Variants in DTNA observed in about 807,000 individuals in gnomAD.
The protein encoded by DTNA is dystrobrevin alpha.
Under a neutral mutation model 100.7 loss-of-function variants are expected in DTNA, and 43 were observed. The observed-to-expected ratio is 0.43, with a 90% confidence interval of 0.33 to 0.55. The LOEUF is 0.55. Among genes scored for constraint, DTNA ranks in the 20% least tolerant of loss-of-function variants. The pLI is 0.04. For missense variants in DTNA, 798 were observed against 953.9 expected (o/e 0.84, Z 2.15); for synonymous variants, 349 against 347.9 (o/e 1.00, Z -0.04).
chr18:34,810,475 T>TAA (rs1197608635), intron 5 of DTNA, among the ~76,000 whole-genome samples: 3 of 132,064 alleles, frequency 2.3e-5, no homozygotes, highest in Non-Finnish European at 3.2e-5. Flanking sequence ...ATGTGGGAGC[T>TAA]AAAAAAAAAA....
At chr18:34,718,699 G>C (rs900437415) in intron 1 of DTNA, among the ~76,000 whole-genome samples, 8 of 152,218 alleles carry the variant, frequency 5.3e-5, no homozygotes, top group Admixed American at 3.9e-4. Flanking sequence ...TGGTCATAAA[G>C]AAATGAAAGG....
At position 34,838,243 on chromosome 18, in the gene DTNA, A is replaced by G. The variant is rs1442614238; in HGVS notation, c.1253+72A>G. ...AAAATGGAGATTTCTTTTGTCAAAA[A>G]TGCTTTGTGTGTGAAAGACTGTCTT... On this transcript the variant is annotated intron_variant, in intron 12 of 22. Transcript: ENST00000444659. 5 of 1,537,286 alleles carry G rather than the reference A, an allele frequency of 3.3e-6. No individual in the cohort carries two copies. In the African/African-American group the frequency reaches 4.1e-5, roughly 13 times the overall value.
chr18:34,827,139 G>A (rs1458638637), intron 9 of DTNA, among the ~76,000 whole-genome samples: 3 of 152,168 alleles, frequency 2.0e-5, no homozygotes, highest in East Asian at 3.8e-4. Context: ...TTTCAGACCA[G>A]GCATGTTGGA....
rs961669350 is a variant in DTNA at position 34,866,708 on chromosome 18, A to G, written c.1743+2646A>G. The G allele has an allele frequency of 6.0e-6, 6 of 997,156 alleles. No individual in the cohort carries two copies. The African/African-American group carries it at 8.7e-5, about 14-fold the overall frequency. 61.8% of individuals were successfully genotyped at this position (997,156 alleles called of 1,614,324 possible). A position where few individuals can be genotyped will look rare whatever the true frequency, so the allele number is the denominator to read the frequency against. ...CAAAATGTGCTCAATTTTGTGAGAG[A>G]AAGACTGTACTCCATAACTGACTAT... On this transcript the variant is annotated intron_variant, in intron 17 of 22. Coordinates refer to ENST00000444659, the MANE Select transcript of DTNA (RefSeq NM_001386795.1).
intron 15 of DTNA, among the ~76,000 whole-genome samples, chr18:34,857,291 G>A (rs113463829): frequency 6.6e-6 from 1 of 152,212 alleles, no homozygotes; most frequent in African/African-American, 2.4e-5. Context: ...GGGGCTTTGC[G>A]AAGCAGGCAG....
At chr18:34,522,370 C>T (rs1353721511) in intron 1 of DTNA, among the ~76,000 whole-genome samples, 1 of 152,144 alleles carries the variant, frequency 6.6e-6, no homozygotes, top group Non-Finnish European at 1.5e-5. Context: ...ACTCTGAGTA[C>T]ACGTATTGTC....
intron 1 of DTNA, among the ~76,000 whole-genome samples, chr18:34,508,862 A>ACTTTTTTGAAAATGTCTT (rs1192049985): frequency 1.3e-5 from 2 of 152,160 alleles, no homozygotes; most frequent in African/African-American, 4.8e-5. Context: ...TTTCAATTAC[A>ACTTTTTTGAAAATGTCTT]TATACCCTTT....
At chr18:34,672,720 T>C (rs1304689224) in intron 1 of DTNA, among the ~76,000 whole-genome samples, 1 of 152,098 alleles carries the variant, frequency 6.6e-6, no homozygotes, top group African/African-American at 2.4e-5. Flanking sequence ...TTGCTAATAA[T>C]AGGACAAAAA....
At chr18:34,846,994 A>G (rs889976233) in intron 13 of DTNA, among the ~76,000 whole-genome samples, 4 of 152,184 alleles carry the variant, frequency 2.6e-5, no homozygotes, top group African/African-American at 9.6e-5. Flanking sequence ...GAATATAAGT[A>G]TGTTTATGAA....
At chr18:34,731,908 G>C (rs1047520296) in intron 1 of DTNA, among the ~76,000 whole-genome samples, 1 of 152,166 alleles carries the variant, frequency 6.6e-6, no homozygotes, top group African/African-American at 2.4e-5. Flanking sequence ...GGTGAGGGAT[G>C]GTGAAAACTC....
At chr18:34,838,006 T>G in intron 11 of DTNA, 88 bp from the exon 12 acceptor site, 1 of 1,159,402 alleles carries the variant, frequency 8.6e-7, no homozygotes, top group South Asian at 1.3e-5. Flanking sequence ...AACTTGGATC[T>G]AGACTTGGGA....
chr18:34,572,971 C>A (rs2047737811), intron 1 of DTNA, among the ~76,000 whole-genome samples: 1 of 152,144 alleles, frequency 6.6e-6, no homozygotes. Flanking sequence ...CTCTGACATC[C>A]CATTTCTTAA....
chr18:34,650,892 C>A lies in DTNA; in HGVS notation c.-1-105084C>A, dbSNP rs572378270. Among the ~76,000 whole-genome samples, 7 of 152,216 alleles carry A rather than the reference C, an allele frequency of 4.6e-5. No individual in the cohort carries two copies. The South Asian group carries it at 8.3e-4, about 18-fold the overall frequency. Reference sequence around the variant, plus strand: ...TTAGTAATTTATTATAGTTCTACTACCCTGAATCATTTGAATGTTTAAAAA... The same window carrying A: ...TTAGTAATTTATTATAGTTCTACTAACCTGAATCATTTGAATGTTTAAAAA... On this transcript the variant is annotated intron_variant, in intron 1 of 19. Transcript: ENST00000283365.
At chr18:34,730,201 T>C (rs1310918635) in intron 1 of DTNA, among the ~76,000 whole-genome samples, 1 of 152,228 alleles carries the variant, frequency 6.6e-6, no homozygotes, top group Non-Finnish European at 1.5e-5. Context: ...AAAGCTGCAC[T>C]TAACAGATAA....
At chr18:34,752,193 C>T (rs1245044081) in intron 1 of DTNA, among the ~76,000 whole-genome samples, 4 of 152,190 alleles carry the variant, frequency 2.6e-5, no homozygotes, top group Non-Finnish European at 4.4e-5. Flanking sequence ...TTAGTGTCAT[C>T]ACAGATGGGT....
chr18:34,505,949 T>C (rs2040446077), intron 1 of DTNA, among the ~76,000 whole-genome samples: 1 of 152,214 alleles, frequency 6.6e-6, no homozygotes, highest in African/African-American at 2.4e-5. Context: ...CTGAATCTTA[T>C]TTAAACTTTC....
chr18:34,882,287 A>C, intron 21 of DTNA, 86 bp downstream of exon 21: 3 of 1,551,854 alleles, frequency 1.9e-6, no homozygotes, highest in South Asian at 2.4e-5. Flanking sequence ...GCAGAATCAG[A>C]GCCTTCTTCC....
At chr18:34,691,225 T>C (rs1215847476) in intron 1 of DTNA, among the ~76,000 whole-genome samples, 1 of 152,236 alleles carries the variant, frequency 6.6e-6, no homozygotes, top group East Asian at 1.9e-4. Context: ...TTCTGTATTC[T>C]TCCTCTCCTT....
At chr18:34,541,890 G>A (rs144998019) in intron 1 of DTNA, among the ~76,000 whole-genome samples, 24 of 152,174 alleles carry the variant, frequency 1.6e-4, no homozygotes, top group African/African-American at 5.8e-4. Flanking sequence ...GGTGTGATGG[G>A]TCTAGACCTG....
Sources: allele counts gnomAD v4.1 joint callset (sites outside exome capture counted in the v4.1 genomes callset), GRCh38; gene constraint gnomAD v4.1.1; transcripts MANE v1.5; gene names NCBI Gene and HGNC (gene_info 2026-07-23, HGNC 2026-07-21).